The following NCAPG2 variants were observed in gnomAD, a reference collection of about 807,000 sequenced individuals.
The protein encoded by NCAPG2 is condensin-2 complex subunit G2.
In NCAPG2, 53 loss-of-function variants were observed where a neutral mutation model predicts 141.1. The ratio of observed to expected loss-of-function variants is 0.38; its 90% CI spans 0.30 to 0.47. The LOEUF (loss-of-function observed/expected upper bound fraction) is 0.47. NCAPG2 is among the 20% of genes least tolerant of loss of function. NCAPG2 has a pLI of 0.99. For missense variants in NCAPG2, 1,087 were observed against 1,389.0 expected, an observed-to-expected ratio of 0.78 and a Z score of 3.46; for synonymous variants, 499 against 490.7, an observed-to-expected ratio of 1.02 and a Z score of -0.22.
At chr7:158,649,637 TAAGG>T (rs1262482301) in intron 24 of NCAPG2, among the ~76,000 whole-genome samples, 2 of 152,236 alleles carry the variant, frequency 1.3e-5, no homozygotes, top group African/African-American at 4.8e-5. Flanking sequence ...CTTCAAGCTT[TAAGG>T]AAGGCCTTAA....
At chr7:158,671,749 C>T in intron 12 of NCAPG2, 83 bp from the exon 13 acceptor site, 1 of 1,433,172 alleles carries the variant, frequency 7.0e-7, no homozygotes, top group East Asian at 2.3e-5. Flanking sequence ...TTAAAGAAAA[C>T]ATTCGGTTCC....
Position 158,671,604 on chromosome 7 carries a change from A to C in NCAPG2, c.1389T>G (p.Ala463=). 6.2e-7 allele frequency: 1 copy of C among 1,614,188 alleles called. No individual in the cohort carries two copies. The highest frequency in any genetic ancestry group is 8.5e-7 in the Non-Finnish European group (1 of 1,180,020). ...SHPLLEQLLP[A]LRYSLHDNSE... ...AATTGTCGTGGAGACTGTATCTGAG[A>C]GCTGGAAGGAGCTGCTCTAACAATG... Residue 463 remains alanine, a synonymous_variant, in exon 13 of 28, where the codon GCT becomes GCG. Coordinates refer to ENST00000356309, the MANE Select transcript of NCAPG2 (RefSeq NM_017760.7).
At chr7:158,692,141 C>T (rs146040250) in intron 4 of NCAPG2, among the ~76,000 whole-genome samples, 29 of 152,030 alleles carry the variant, frequency 1.9e-4, no homozygotes, top group African/African-American at 6.5e-4. Flanking sequence ...CCTGTCTCTA[C>T]CAAAAAACAA....
chr7:158,690,261 C>T (rs1325034209), intron 5 of NCAPG2, among the ~76,000 whole-genome samples: 1 of 152,158 alleles, frequency 6.6e-6, no homozygotes, highest in Non-Finnish European at 1.5e-5. Flanking sequence ...TGTAGAGCTA[C>T]TAAAATGTGA....
At chr7:158,647,840 C>A (rs1444922779) in intron 24 of NCAPG2, among the ~76,000 whole-genome samples, 1 of 152,072 alleles carries the variant, frequency 6.6e-6, no homozygotes, top group Non-Finnish European at 1.5e-5. Context: ...TACCACCATG[C>A]CCAGCTAATT....
At chr7:158,638,524 G>C (rs1482879278) in intron 27 of NCAPG2, among the ~76,000 whole-genome samples, 1 of 152,134 alleles carries the variant, frequency 6.6e-6, no homozygotes, top group Admixed American at 6.5e-5. Context: ...ACAGACGCGA[G>C]CCACCATGCC....
chr7:158,695,798 C>T (rs1278575220), intron 2 of NCAPG2, among the ~76,000 whole-genome samples: 2 of 152,244 alleles, frequency 1.3e-5, no homozygotes, highest in South Asian at 2.1e-4. Flanking sequence ...AGAAAGAACA[C>T]GTGCAGACTA....
chr7:158,698,138 ATT>A (rs936986492), intron 2 of NCAPG2, among the ~76,000 whole-genome samples: 2 of 152,188 alleles, frequency 1.3e-5, no homozygotes, highest in African/African-American at 4.8e-5. Context: ...ATGAAGAAAG[ATT>A]TTTTGTAAAG....
At chr7:158,654,480 G>T in intron 22 of NCAPG2, 115 bp downstream of exon 22, 1 of 1,041,894 alleles carries the variant, frequency 9.6e-7, no homozygotes, top group Non-Finnish European at 1.4e-6. Context: ...GGATATGCCA[G>T]GTTGCATTAT....
In NCAPG2 at chr7:158,658,393, T is replaced by C. The variant is rs1349606080; in HGVS notation, c.2005A>G (p.Ile669Val). 6.2e-7 allele frequency: 1 copy of C among 1,611,526 alleles called. No homozygotes were observed. The highest frequency in any genetic ancestry group is 1.1e-5 in the South Asian group (1 of 90,684). Residue 669 changes from isoleucine (I) to valine (V), a missense_variant, in exon 17 of 28, where the codon ATC (isoleucine) becomes GTC (valine). Physicochemically the swap from Ile to Val is conservative, Grantham distance 29. Transcript: ENST00000356309. ...LKVFKDDRCK[I>V]PLFMLMSFMP... is the part of the protein sequence containing the mutation. The stretch of plus-strand genomic sequence containing the variant: ...AAGGACATTAGCATGAATAAAGGGA[T>C]CTTGCAGCGATCATCCTAAAAGCGA...
rs192863706 is a variant in NCAPG2 at position 158,650,930 on chromosome 7, C to T, written c.2977G>A (p.Ala993Thr). 8.0e-5 allele frequency: 129 copies of T among 1,613,396 alleles called. No homozygotes were observed. The East Asian group carries it at 2.8e-3, about 35-fold the overall frequency. Reference sequence around the variant, plus strand: ...GTGTCTGTGTGCCGAGACTGAACAGCAGTAATGAACTCATGAAGAGGCCTC... The same window carrying T: ...GTGTCTGTGTGCCGAGACTGAACAGTAGTAATGAACTCATGAAGAGGCCTC... ...VQRPLHEFIT[A>T]VQSRHTDTPV... The change falls in exon 24 of 28, where the codon GCT (alanine) becomes ACT (threonine). Residue 993 changes from alanine to threonine, a missense_variant. Coordinates refer to ENST00000356309, the MANE Select transcript of NCAPG2 (RefSeq NM_017760.7).
At chr7:158,636,809 A>G (rs1252871829) in intron 27 of NCAPG2, among the ~76,000 whole-genome samples, 2 of 152,184 alleles carry the variant, frequency 1.3e-5, no homozygotes, top group African/African-American at 2.4e-5. Flanking sequence ...ATCTTGTTTA[A>G]TATTTGTGCC....
At chr7:158,688,922 G>C (rs932883426) in intron 6 of NCAPG2, among the ~76,000 whole-genome samples, 1 of 152,128 alleles carries the variant, frequency 6.6e-6, no homozygotes, top group African/African-American at 2.4e-5. Flanking sequence ...TTCCTCTGAA[G>C]CCCTTCTCCA....
rs1563538648 is a variant in NCAPG2 at position 158,667,375 on chromosome 7, C to CG, written c.1480-2626_1480-2625insC. ...TTAGCCACTACCGGATCCCTCCGCC[C>CG]CCCCTTACCCACTACTGGGTCCCTC... On this transcript the variant is annotated intron_variant, in intron 13 of 27. Coordinates refer to ENST00000356309, the MANE Select transcript of NCAPG2 (RefSeq NM_017760.7). 2.7e-4 allele frequency: 45 copies of CG among 167,300 alleles called. 6 individuals are homozygous for CG. Among genetic ancestry groups the CG allele is most frequent in the African/African-American group, 1.1e-3 (16 of 14,868 alleles). 10.4% of individuals were successfully genotyped at this position (167,300 alleles called of 1,614,324 possible).
chr7:158,690,085 T>C (rs540870524), intron 5 of NCAPG2, 132 bp from the exon 6 acceptor site: 60 of 979,568 alleles, frequency 6.1e-5, no homozygotes, highest in Non-Finnish European at 8.3e-5. Flanking sequence ...TAACGACAAA[T>C]AAAAACAGAT....
chr7:158,683,472 G>C, intron 8 of NCAPG2, 86 bp from the exon 9 acceptor site: 1 of 799,812 alleles, frequency 1.3e-6, no homozygotes, highest in Admixed American at 2.9e-5. Context: ...TGAGTACAAA[G>C]AGTCTGACCT....
intron 27 of NCAPG2, chr7:158,641,386 A>G (rs1470965867): frequency 6.4e-6 from 3 of 470,472 alleles, no homozygotes; most frequent in Non-Finnish European, 1.1e-5. Flanking sequence ...TACTGTCTAT[A>G]AAAAAACCAC....
chr7:158,643,789 C>G (rs563161776), intron 27 of NCAPG2, among the ~76,000 whole-genome samples: 1 of 152,336 alleles, frequency 6.6e-6, no homozygotes, highest in Admixed American at 6.5e-5. Flanking sequence ...GCATACCAAA[C>G]AGCACACAGC....
intron 9 of NCAPG2, among the ~76,000 whole-genome samples, chr7:158,682,437 T>C (rs543546543): frequency 1.3e-5 from 2 of 152,332 alleles, no homozygotes; most frequent in Non-Finnish European, 2.9e-5. Flanking sequence ...CTCAGTAGTC[T>C]AGATAAATCT....
Sources: allele counts gnomAD v4.1 joint callset (sites outside exome capture counted in the v4.1 genomes callset), GRCh38; gene constraint gnomAD v4.1.1; transcripts MANE v1.5; gene names NCBI Gene and HGNC (gene_info 2026-07-23, HGNC 2026-07-21).